The following MAP3K3 variants were observed in gnomAD, a reference collection of about 807,000 sequenced individuals.
MAP3K3 encodes MAP/ERK kinase kinase 3.
A neutral mutation model predicts 80.9 loss-of-function variants in MAP3K3; 12 were observed. The observed-to-expected ratio is 0.15, with a 90% CI of 0.10 to 0.24. The LOEUF (loss-of-function observed/expected upper bound fraction) is 0.24, where lower values mean the gene tolerates loss of function less well. MAP3K3 is among the 10% of genes least tolerant of loss of function. The pLI, the probability that MAP3K3 is intolerant of heterozygous loss-of-function variation, is 1.00. For missense variants in MAP3K3, 596 were observed against 834.7 expected (o/e 0.71, Z 3.52); for synonymous variants, 272 against 307.1 (o/e 0.89, Z 1.19).
chr17:63,637,763 G>T (rs959900288), intron 2 of MAP3K3, among the ~76,000 whole-genome samples: 1 of 152,206 alleles, frequency 6.6e-6, no homozygotes, highest in Non-Finnish European at 1.5e-5. Flanking sequence ...AGTGGAGGAA[G>T]AAATGGAATC....
intron 6 of MAP3K3, among the ~76,000 whole-genome samples, chr17:63,672,442 G>A (rs1456198562): frequency 2.0e-5 from 3 of 152,202 alleles, no homozygotes; most frequent in Non-Finnish European, 4.4e-5. Context: ...GGAAGGGGCA[G>A]ACTTAATGTT....
In MAP3K3 at chr17:63,690,388, T is replaced by C; in HGVS notation, c.1188T>C (p.Asp396=). ...RELASKQVQF[D]PDSPETSKEV... The stretch of plus-strand genomic sequence containing the variant: ...TTGCTTCCAAGCAGGTCCAATTTGA[T>C]CCAGACAGTCCTGAGACAAGCAAGG... The change falls in exon 12 of 16, where the codon GAT becomes GAC. Residue 396 remains aspartate, a synonymous_variant. Coordinates refer to ENST00000361733, the MANE Select transcript of MAP3K3 (RefSeq NM_002401.5). 3 of 1,614,062 alleles carry C rather than the reference T, an allele frequency of 1.9e-6. No individual in the cohort carries two copies. Among genetic ancestry groups the C allele is most frequent in the Non-Finnish European group, 2.5e-6 (3 of 1,179,984 alleles).
intron 2 of MAP3K3, among the ~76,000 whole-genome samples, chr17:63,637,666 G>A (rs979993117): frequency 6.6e-6 from 1 of 152,118 alleles, no homozygotes; most frequent in Non-Finnish European, 1.5e-5. Context: ...AAAGGATTAA[G>A]GTTTTTCTCT....
chr17:63,622,661 A>T lies in MAP3K3; in HGVS notation c.-99A>T. 2.9e-6 allele frequency: 1 copy of T among 340,024 alleles called. No individual in the cohort carries two copies. Among genetic ancestry groups the T allele is most frequent in the South Asian group, 2.2e-5 (1 of 44,816 alleles). The allele number at this position is 340,024 out of a possible 1,614,324, so 21.1% of individuals were successfully genotyped here. A position where few individuals can be genotyped will look rare whatever the true frequency, so the allele number is the denominator to read the frequency against. On this transcript the variant is annotated 5_prime_UTR_variant, in exon 1 of 16. Transcript: ENST00000361733. ...CAGCCCGCGCCCCCCGCGCGGAGCCAGGCCCGCTGCCGTCCCCGCCGCCCG... is the reference window on the plus strand; with the variant it reads ...CAGCCCGCGCCCCCCGCGCGGAGCCTGGCCCGCTGCCGTCCCCGCCGCCCG...
rs545789599 is a variant in MAP3K3 at position 63,691,194 on chromosome 17, T to C, written c.1305T>C (p.Ala435=). The part of the protein sequence containing the change: ...VQYYGCLRDR[A]EKTLTIFMEY... ...ACTATGGCTGTCTGCGGGACCGCGC[T>C]GAGAAGACCCTGACCATCTTCATGG... The change falls in exon 13 of 16, where the codon GCT becomes GCC. Residue 435 remains alanine (A), a synonymous_variant. Coordinates refer to ENST00000361733, the MANE Select transcript of MAP3K3 (RefSeq NM_002401.5). The surrounding 1 kb of genome is among the most constrained non-coding windows in gnomAD (Gnocchi z 4.8). 2.8e-5 allele frequency: 45 copies of C among 1,614,068 alleles called. No individual in the cohort carries two copies. The South Asian group carries it at 4.8e-4, about 17-fold the overall frequency.
chr17:63,691,328 T>G lies in MAP3K3; in HGVS notation c.1344+95T>G. Reference sequence around the variant, plus strand: ...GAGGGGGGTCACCTTGGATAGGAGTTTGAACACCTGAGGCTCCAGAGGCCC... The same window carrying G: ...GAGGGGGGTCACCTTGGATAGGAGTGTGAACACCTGAGGCTCCAGAGGCCC... On this transcript the variant is annotated intron_variant, in intron 13 of 15. Transcript: ENST00000361733. The surrounding 1 kb of genome is among the most constrained non-coding windows in gnomAD (Gnocchi z 4.8). 6.4e-7 allele frequency: 1 copy of G among 1,554,840 alleles called. No individual in the cohort carries two copies.
intron 1 of MAP3K3, among the ~76,000 whole-genome samples, chr17:63,626,779 C>T (rs1481919210): frequency 6.6e-6 from 1 of 152,186 alleles, no homozygotes; most frequent in Non-Finnish European, 1.5e-5. Flanking sequence ...CACAGACTCT[C>T]CTGAGTGGGC....
chr17:63,690,751 C>T (rs1023023179), intron 12 of MAP3K3, among the ~76,000 whole-genome samples: 1 of 152,156 alleles, frequency 6.6e-6, no homozygotes, highest in South Asian at 2.1e-4. Flanking sequence ...CTGTGGGGCT[C>T]CTTCACTTGG....
At chr17:63,632,937 T>A in intron 2 of MAP3K3, 135 bp downstream of exon 2, 1 of 1,176,954 alleles carries the variant, frequency 8.5e-7, no homozygotes. Flanking sequence ...GTCTGTTAAA[T>A]GGGAAGTAAT....
At chr17:63,676,232 A>G (rs2035216470) in intron 6 of MAP3K3, among the ~76,000 whole-genome samples, 4 of 152,198 alleles carry the variant, frequency 2.6e-5, no homozygotes. Flanking sequence ...ATAAAAGCTC[A>G]GAAAACCTTT....
At chr17:63,652,511 G>A (rs928355552) in intron 3 of MAP3K3, 46 bp from the exon 4 acceptor site, 5 of 1,264,370 alleles carry the variant, frequency 4.0e-6, no homozygotes, top group East Asian at 2.3e-5. Flanking sequence ...TAAACCCTAC[G>A]TTTTAAGTAT....
At chr17:63,658,041 A>G (rs1299988550) in intron 5 of MAP3K3, 134 bp downstream of exon 5, 1 of 439,032 alleles carries the variant, frequency 2.3e-6, no homozygotes, top group Non-Finnish European at 4.1e-6. Context: ...AGCACAGCCC[A>G]CTTGTCAGTG....
intron 6 of MAP3K3, among the ~76,000 whole-genome samples, chr17:63,667,441 C>G (rs1375202257): frequency 6.6e-6 from 1 of 152,066 alleles, no homozygotes; most frequent in East Asian, 1.9e-4. Flanking sequence ...GACCTTAAAC[C>G]TCTTGCTTAT....
intron 5 of MAP3K3, among the ~76,000 whole-genome samples, chr17:63,661,369 C>G (rs967521361): frequency 1.3e-5 from 2 of 152,226 alleles, no homozygotes; most frequent in African/African-American, 2.4e-5. Flanking sequence ...TGAAAAGCCT[C>G]TCTCTAGCCT....
chr17:63,689,124 C>A lies in MAP3K3; in HGVS notation c.871+243C>A. 2 of 581,264 alleles carry A rather than the reference C, an allele frequency of 3.4e-6. No homozygotes were observed. Among genetic ancestry groups the A allele is most frequent in the Non-Finnish European group, 6.1e-6 (2 of 327,158 alleles). The allele number at this position is 581,264 out of a possible 1,614,324, so 36.0% of individuals were successfully genotyped here. ...TGAAGCCAGTGGTGTGCTCCAGGGG[C>A]ACCATCTCTCCCATGTCCTCTTCTG... On this transcript the variant is annotated intron_variant, in intron 10 of 15. Transcript: ENST00000361733. This position sits in a 1 kb window ranked among gnomAD's most constrained non-coding sequence, Gnocchi z 4.3.
In MAP3K3 at chr17:63,691,304, A is replaced by AG. The variant is rs2035585582; in HGVS notation, c.1344+77dup. On this transcript the variant is annotated intron_variant, in intron 13 of 15. Transcript: ENST00000361733. This position sits in a 1 kb window ranked among gnomAD's most constrained non-coding sequence, Gnocchi z 4.8. ...TGACCTGGGGGCTGGGGCCTGCAGG[A>AG]GGGGGGTCACCTTGGATAGGAGTTT... is the stretch of plus-strand genomic sequence containing the variant. The AG allele has an allele frequency of 6.2e-6, 10 of 1,600,330 alleles. No homozygotes were observed. The highest frequency in any genetic ancestry group is 1.3e-5 in the African/African-American group (1 of 74,536).
intron 2 of MAP3K3, among the ~76,000 whole-genome samples, chr17:63,635,143 A>G (rs1191828675): frequency 6.6e-6 from 1 of 152,234 alleles, no homozygotes; most frequent in East Asian, 1.9e-4. Context: ...TTAGACAGCC[A>G]CATGTGGCTA....
intron 5 of MAP3K3, among the ~76,000 whole-genome samples, chr17:63,665,626 A>G (rs920354524): frequency 2.0e-5 from 3 of 152,160 alleles, no homozygotes; most frequent in East Asian, 1.9e-4. Context: ...GTGCAAGACT[A>G]TGACCCTCCC....
chr17:63,692,514 G>A lies in MAP3K3; in HGVS notation c.1652+95G>A. On this transcript the variant is annotated intron_variant, in intron 15 of 15. Transcript: ENST00000361733. The surrounding 1 kb of genome is among the most constrained non-coding windows in gnomAD (Gnocchi z 4.5). ...CTGGGGACTTTGTGGTGTGGCAGGA[G>A]GGAGTGTGCCCAGGGCCCAGGCTGC... The A allele has an allele frequency of 3.0e-6, 4 of 1,341,056 alleles. No homozygotes were observed. The South Asian group carries it at 6.0e-5, about 20-fold the overall frequency. 83.1% of individuals were successfully genotyped at this position (1,341,056 alleles called of 1,614,324 possible). A position where few individuals can be genotyped will look rare whatever the true frequency, so the allele number is the denominator to read the frequency against.
Sources: gnomAD v4.1 joint callset for allele counts (sites outside exome capture counted in the v4.1 genomes callset) on GRCh38, gnomAD v4.1.1 for gene constraint, Gnocchi (gnomAD v3.1) non-coding constraint, MANE v1.5 for transcripts, NCBI Gene and HGNC (gene_info 2026-07-23, HGNC 2026-07-21) for gene names.